GALK2: variants seen among roughly 807,000 people sequenced by gnomAD.
GALK2 encodes N-acetylgalactosamine kinase.
In GALK2, 36 loss-of-function variants were observed where a neutral mutation model predicts 52.4. The ratio of observed to expected loss-of-function variants is 0.69; its 90% CI spans 0.53 to 0.91. The LOEUF (loss-of-function observed/expected upper bound fraction) is 0.91, where lower values mean the gene tolerates loss of function less well. Among genes scored for constraint, GALK2 ranks in the 40% least tolerant of loss-of-function variants. The probability of loss-of-function intolerance (pLI) is 0.00; values close to 1 mark genes in which losing one functional copy is unlikely to be tolerated. For missense variants in GALK2, 579 were observed against 559.1 expected (o/e 1.04, Z -0.36); for synonymous variants, 176 against 199.1 (o/e 0.88, Z 0.98).
intron 2 of GALK2, among the ~76,000 whole-genome samples, chr15:49,205,725 CT>C (rs1422416745): frequency 6.6e-6 from 1 of 152,094 alleles, no homozygotes; most frequent in African/African-American, 2.4e-5. Flanking sequence ...TGCAAAAGCT[CT>C]TTAGTTTAAT....
chr15:49,207,322 G>A (rs1055508212), intron 2 of GALK2, among the ~76,000 whole-genome samples: 6 of 152,128 alleles, frequency 3.9e-5, no homozygotes, highest in Non-Finnish European at 7.4e-5. Context: ...TCCTTTCCTG[G>A]TTTTGATATT....
At chr15:49,160,473 A>AG (rs2084613352) in intron 1 of GALK2, among the ~76,000 whole-genome samples, 1 of 152,070 alleles carries the variant, frequency 6.6e-6, no homozygotes, top group Non-Finnish European at 1.5e-5. Context: ...TATACTTGTA[A>AG]CTTTACAACA....
intron 5 of GALK2, among the ~76,000 whole-genome samples, chr15:49,245,388 T>C (rs181289657): frequency 6.6e-6 from 1 of 152,290 alleles, no homozygotes; most frequent in Admixed American, 6.5e-5. Flanking sequence ...TTTAATCTTT[T>C]AGATTATATG....
Position 49,170,271 on chromosome 15 carries a change from G to A in GALK2, c.-52G>A. The stretch of plus-strand genomic sequence containing the variant: ...CACAGAAGTCTCGTGATTGCTCTGG[G>A]AGCTTTGCTTAGACACTTGAAACTA... On this transcript the variant is annotated 5_prime_UTR_variant, in exon 1 of 10. Coordinates refer to ENST00000560031, the MANE Select transcript of GALK2 (RefSeq NM_002044.4). 5.1e-6 allele frequency: 8 copies of A among 1,555,726 alleles called. No homozygotes were observed. The highest frequency in any genetic ancestry group is 7.0e-6 in the Non-Finnish European group (8 of 1,149,280).
At chr15:49,354,923 TCCCTGAC>T (rs2042872667) in intron 3 of GALK2, among the ~76,000 whole-genome samples, 1 of 151,980 alleles carries the variant, frequency 6.6e-6, no homozygotes, top group South Asian at 2.1e-4. Context: ...CTCAAGTGGG[TCCCTGAC>T]CCCTGACCCT....
intron 5 of GALK2, among the ~76,000 whole-genome samples, chr15:49,251,008 A>G (rs1286290538): frequency 6.6e-6 from 1 of 152,224 alleles, no homozygotes; most frequent in Non-Finnish European, 1.5e-5. Context: ...TAGCATATAC[A>G]AATTCTTCCA....
intron 5 of GALK2, among the ~76,000 whole-genome samples, chr15:49,266,140 G>A (rs1385029230): frequency 1.3e-5 from 2 of 152,110 alleles, no homozygotes; most frequent in African/African-American, 2.4e-5. Context: ...AGGAGGCCTT[G>A]GGCCACATGT....
intron 2 of GALK2, among the ~76,000 whole-genome samples, chr15:49,213,943 C>T (rs971441849): frequency 3.3e-5 from 5 of 151,910 alleles, no homozygotes; most frequent in Non-Finnish European, 7.4e-5. Context: ...CGGTGAAACC[C>T]CATCTCTACT....
At chr15:49,170,199 T>G, upstream of GALK2, 3 of 1,490,190 alleles carry the variant, frequency 2.0e-6, no homozygotes, top group Non-Finnish European at 2.7e-6. Context: ...CTGCAGGATT[T>G]CCGCAGGGCG....
intron 2 of GALK2, among the ~76,000 whole-genome samples, chr15:49,212,374 GT>G (rs1471029811): frequency 1.1e-4 from 16 of 152,206 alleles, no homozygotes; most frequent in African/African-American, 3.9e-4. Flanking sequence ...GGGATTACAG[GT>G]GTGAGCCAGT....
chr15:49,341,443 T>A (rs1304222072), intron 3 of GALK2, among the ~76,000 whole-genome samples: 1 of 152,226 alleles, frequency 6.6e-6, no homozygotes, highest in African/African-American at 2.4e-5. Flanking sequence ...CAGAATTTTC[T>A]AGTTTTCTTT....
chr15:49,249,465 G>A (rs2091497523), intron 5 of GALK2, among the ~76,000 whole-genome samples: 3 of 152,138 alleles, frequency 2.0e-5, no homozygotes, highest in Non-Finnish European at 4.4e-5. Flanking sequence ...CAGTTAAACT[G>A]GCTTAATACC....
At chr15:49,332,827 GTGC>G (rs2039040140), downstream of GALK2, among the ~76,000 whole-genome samples, 1 of 152,158 alleles carries the variant, frequency 6.6e-6, no homozygotes, top group South Asian at 2.1e-4. Context: ...AGTTAGACTA[GTGC>G]ACCCCTGAAG....
chr15:49,317,008 G>A (rs544299800), intron 8 of GALK2, among the ~76,000 whole-genome samples: 22 of 152,200 alleles, frequency 1.4e-4, no homozygotes, highest in Admixed American at 6.5e-5. Context: ...GGACTGGGGT[G>A]TAAACAAAAG....
exon 4 of GALK2, chr15:49,367,498 G>A: frequency 6.2e-7 from 1 of 1,604,144 alleles, no homozygotes; most frequent in South Asian, 1.1e-5. Context: ...TAGGTGCTTT[G>A]GAAATACCAG....
At chr15:49,337,162 A>G (rs554635333) in intron 3 of GALK2, among the ~76,000 whole-genome samples, 18 of 152,296 alleles carry the variant, frequency 1.2e-4, no homozygotes, top group African/African-American at 3.9e-4. Flanking sequence ...ATATGAGTAC[A>G]TATGTCTTTT....
chr15:49,244,576 G>T (rs529392368), intron 5 of GALK2, among the ~76,000 whole-genome samples: 1 of 152,228 alleles, frequency 6.6e-6, no homozygotes, highest in South Asian at 2.1e-4. Context: ...AAATGTGAGG[G>T]TATAGTAAAA....
At chr15:49,340,993 T>C (rs1272079808) in intron 3 of GALK2, among the ~76,000 whole-genome samples, 1 of 152,244 alleles carries the variant, frequency 6.6e-6, no homozygotes, top group Non-Finnish European at 1.5e-5. Flanking sequence ...GCTGGCCAGC[T>C]ATCCCAGTAC....
chr15:49,218,808 G>A (rs908729688), intron 3 of GALK2, among the ~76,000 whole-genome samples: 5 of 152,126 alleles, frequency 3.3e-5, no homozygotes, highest in African/African-American at 1.2e-4. Flanking sequence ...AAATACCTAT[G>A]ATTGGAGTGT....
Sources: allele counts gnomAD v4.1 joint callset (sites outside exome capture counted in the v4.1 genomes callset), GRCh38; gene constraint gnomAD v4.1.1; transcripts MANE v1.5; gene names NCBI Gene and HGNC (gene_info 2026-07-23, HGNC 2026-07-21).